Variants in SLC6A11 observed in about 807,000 individuals in gnomAD.
The protein encoded by SLC6A11 is sodium- and chloride-dependent GABA transporter 3.
SLC6A11 carries 25 observed loss-of-function variants against 74.8 expected under a neutral mutation model. The observed-to-expected ratio is 0.33, with a 90% confidence interval of 0.24 to 0.47. SLC6A11 has a LOEUF of 0.47. Ranked by LOEUF, SLC6A11 falls within the 20% of genes least tolerant of loss-of-function variation. The pLI is 1.00. For missense variants in SLC6A11, 574 were observed against 837.0 expected (o/e 0.69, Z 3.88); for synonymous variants, 330 against 330.2 (o/e 1.00, Z 0.01).
intron 13 of SLC6A11, 126 bp from the exon 14 acceptor site, chr3:10,938,124 G>C (rs899815766): frequency 1.2e-6 from 1 of 868,296 alleles, no homozygotes; most frequent in African/African-American, 1.7e-5. Flanking sequence ...CCAAGCTGGG[G>C]CCCGGACCTT....
intron 13 of SLC6A11, among the ~76,000 whole-genome samples, chr3:10,936,806 T>G (rs981787128): frequency 6.6e-6 from 1 of 152,184 alleles, no homozygotes; most frequent in Non-Finnish European, 1.5e-5. Flanking sequence ...ATGCCTGGTG[T>G]TGCCTGCTAA....
chr3:10,882,035 G>A (rs565872398), intron 6 of SLC6A11, among the ~76,000 whole-genome samples: 28 of 152,280 alleles, frequency 1.8e-4, no homozygotes, highest in African/African-American at 6.3e-4. Flanking sequence ...CCACATGTGG[G>A]CAGCAGGGAT....
At chr3:10,855,094 G>C (rs1694622724) in intron 5 of SLC6A11, among the ~76,000 whole-genome samples, 1 of 152,250 alleles carries the variant, frequency 6.6e-6, no homozygotes, top group East Asian at 1.9e-4. Context: ...TAGCTATGTG[G>C]ATGGATAGAC....
At chr3:10,825,761 C>A (rs900899639) in intron 4 of SLC6A11, among the ~76,000 whole-genome samples, 1 of 152,058 alleles carries the variant, frequency 6.6e-6, no homozygotes, top group Non-Finnish European at 1.5e-5. Flanking sequence ...ATATAAATAA[C>A]CTATTTTCCC....
chr3:10,825,023 A>G (rs1694188829), intron 4 of SLC6A11: 2 of 152,260 alleles, frequency 1.3e-5, no homozygotes, highest in East Asian at 3.9e-4. Context: ...GTCTTTACTA[A>G]AAATACAAAA....
chr3:10,908,859 C>G lies in SLC6A11; in HGVS notation c.892-3231C>G, dbSNP rs542506169. ...GGGTTTTTCTAAGAGCTAAATGTTGCTATTAGCTTGAGTTTGAAGTGAAAA... is the reference window on the plus strand; with the variant it reads ...GGGTTTTTCTAAGAGCTAAATGTTGGTATTAGCTTGAGTTTGAAGTGAAAA... On this transcript the variant is annotated intron_variant, in intron 6 of 13. Transcript: ENST00000254488. Among the ~76,000 whole-genome samples the G allele has an allele frequency of 5.4e-3, 828 of 152,166 alleles. 3 individuals are homozygous for G. The highest frequency in any genetic ancestry group is 0.019 in the South Asian group (91 of 4,822).
At chr3:10,867,137 G>A (rs772241315) in intron 5 of SLC6A11, among the ~76,000 whole-genome samples, 1 of 152,218 alleles carries the variant, frequency 6.6e-6, no homozygotes, top group Non-Finnish European at 1.5e-5. Flanking sequence ...GGGATGCAGG[G>A]GAGAGGCGGG....
intron 4 of SLC6A11, among the ~76,000 whole-genome samples, chr3:10,836,477 G>A (rs1057459578): frequency 6.6e-6 from 1 of 152,286 alleles, no homozygotes; most frequent in South Asian, 2.1e-4. Context: ...AGTAATATAC[G>A]AGGGTTCCAT....
Position 10,929,201 on chromosome 3 carries a change from GT to G in SLC6A11, c.1236del (p.Phe412LeufsTer8), listed in dbSNP as rs1374354355. ...TCACACCATCATATCTCCCCATCCA[GT>G]TTGTGTGTGTGGAAAGCCTGGTGAC... ...MLIFLGLDSQ[F>X]VCVESLVTAV... On this transcript the variant is annotated frameshift_variant and splice_region_variant, in exon 10 of 14. Coordinates refer to ENST00000254488, the MANE Select transcript of SLC6A11 (RefSeq NM_014229.3). LOFTEE classifies it high-confidence loss of function. 1 of 1,613,890 alleles carries G rather than the reference GT, an allele frequency of 6.2e-7. No homozygotes were observed. The highest frequency in any genetic ancestry group is 8.5e-7 in the Non-Finnish European group (1 of 1,179,978).
At chr3:10,856,116 A>G (rs1694635831) in intron 5 of SLC6A11, among the ~76,000 whole-genome samples, 1 of 152,184 alleles carries the variant, frequency 6.6e-6, no homozygotes, top group Non-Finnish European at 1.5e-5. Flanking sequence ...TCACTCAACC[A>G]ATTGCTCTTC....
chr3:10,895,603 A>G (rs755320960), intron 6 of SLC6A11, among the ~76,000 whole-genome samples: 1 of 152,134 alleles, frequency 6.6e-6, no homozygotes, highest in South Asian at 2.1e-4. Context: ...TGTTGGGGGG[A>G]TAGCGGGAGG....
At position 10,816,435 on chromosome 3, in the gene SLC6A11, TG is replaced by T; in HGVS notation, c.172del (p.Glu58SerfsTer4). On this transcript the variant is annotated frameshift_variant, in exon 1 of 14. Coordinates refer to ENST00000254488, the MANE Select transcript of SLC6A11 (RefSeq NM_014229.3). LOFTEE classifies it high-confidence loss of function. This position sits in a 1 kb window ranked among gnomAD's most constrained non-coding sequence, Gnocchi z 4.2. ...GAGCGCGGCCACTGGAACAACAAGG[TG>T]GAGTTCGTGCTGAGCGTGGCCGGGG... ...VHERGHWNNK[V>X]EFVLSVAGEI... 6.2e-7 allele frequency: 1 copy of T among 1,601,992 alleles called. No individual in the cohort carries two copies. Among genetic ancestry groups the T allele is most frequent in the Non-Finnish European group, 8.5e-7 (1 of 1,174,900 alleles).
chr3:10,830,184 T>C (rs1024309421), intron 4 of SLC6A11, among the ~76,000 whole-genome samples: 6 of 152,210 alleles, frequency 3.9e-5, no homozygotes, highest in African/African-American at 1.4e-4. Context: ...GAGTTGGTGA[T>C]ACTTTAGCTG....
chr3:10,923,966 A>G (rs562736240), intron 8 of SLC6A11, among the ~76,000 whole-genome samples: 2 of 152,348 alleles, frequency 1.3e-5, no homozygotes, highest in Non-Finnish European at 1.5e-5. Flanking sequence ...ACATCAGACC[A>G]ACCCACATCA....
At chr3:10,923,655 C>T (rs1695564649) in intron 8 of SLC6A11, among the ~76,000 whole-genome samples, 1 of 152,220 alleles carries the variant, frequency 6.6e-6, no homozygotes, top group African/African-American at 2.4e-5. Flanking sequence ...GCAGGCAAGA[C>T]CCACCAATGG....
chr3:10,822,025 G>A (rs933504102), intron 3 of SLC6A11, among the ~76,000 whole-genome samples: 5 of 152,204 alleles, frequency 3.3e-5, no homozygotes, highest in Admixed American at 6.5e-5. Context: ...GCAAGAAGCA[G>A]GCAGACAATC....
At chr3:10,901,175 G>A (rs1695235617) in intron 6 of SLC6A11, among the ~76,000 whole-genome samples, 1 of 152,168 alleles carries the variant, frequency 6.6e-6, no homozygotes, top group African/African-American at 2.4e-5. Context: ...CCGTCTTCAG[G>A]CCTTGCTCAG....
intron 7 of SLC6A11, among the ~76,000 whole-genome samples, chr3:10,914,920 T>A (rs1695435953): frequency 6.6e-6 from 1 of 152,162 alleles, no homozygotes; most frequent in African/African-American, 2.4e-5. Context: ...CACTGTCCCC[T>A]CCAGCTAGGC....
intron 4 of SLC6A11, among the ~76,000 whole-genome samples, chr3:10,834,272 G>A (rs544161929): frequency 6.6e-6 from 1 of 152,208 alleles, no homozygotes; most frequent in East Asian, 1.9e-4. Context: ...TTTATCCCAG[G>A]TGCAGAGTCG....
Sources: gnomAD v4.1 joint callset for allele counts (sites outside exome capture counted in the v4.1 genomes callset) on GRCh38, gnomAD v4.1.1 for gene constraint, Gnocchi (gnomAD v3.1) non-coding constraint, MANE v1.5 for transcripts, NCBI Gene and HGNC (gene_info 2026-07-23, HGNC 2026-07-21) for gene names.